The following C1orf141 variants were observed in gnomAD, a reference collection of about 807,000 sequenced individuals.
C1orf141 encodes the protein chromosome 1 open reading frame 141, also known as uncharacterized protein C1orf141.
Under a neutral mutation model 23.2 loss-of-function variants are expected in C1orf141, and 19 were observed. The observed-to-expected ratio is 0.82, with a 90% CI of 0.57 to 1.20. The LOEUF (loss-of-function observed/expected upper bound fraction) is 1.20. Ranked by LOEUF, C1orf141 falls within the 50% of genes most tolerant of loss-of-function variation. C1orf141 has a pLI of 0.00. For missense variants in C1orf141, 469 were observed against 455.1 expected, an observed-to-expected ratio of 1.03 and a Z score of -0.28; for synonymous variants, 153 against 154.6, an observed-to-expected ratio of 0.99 and a Z score of 0.08.
chr1:67,123,504 G>T (rs538871149), intron 4 of C1orf141: 2 of 151,538 alleles, frequency 1.3e-5, no homozygotes, highest in Non-Finnish European at 2.9e-5. Flanking sequence ...TTTTTATTTG[G>T]CTGAGGTATA....
At chr1:67,128,440 A>G (rs888152048) in intron 2 of C1orf141, among the ~76,000 whole-genome samples, 1 of 151,990 alleles carries the variant, frequency 6.6e-6, no homozygotes, top group African/African-American at 2.4e-5. Context: ...ACAGTGGCTT[A>G]TGCCTGTAAT....
At chr1:67,123,606 G>A (rs1233165802) in intron 4 of C1orf141, 1 of 152,166 alleles carries the variant, frequency 6.6e-6, no homozygotes, top group Admixed American at 6.5e-5. Context: ...ACAGGGACCT[G>A]GATAAGGGTG....
intron 5 of C1orf141, among the ~76,000 whole-genome samples, chr1:67,098,445 C>A (rs1645732468): frequency 6.6e-6 from 1 of 152,096 alleles, no homozygotes; most frequent in Admixed American, 6.6e-5. Flanking sequence ...TCGCTTGAAC[C>A]AGAGTCGGAG....
intron 5 of C1orf141, among the ~76,000 whole-genome samples, chr1:67,110,500 T>C (rs1374204197): frequency 6.6e-6 from 1 of 152,064 alleles, no homozygotes; most frequent in African/African-American, 2.4e-5. Flanking sequence ...GTTAATCTTA[T>C]AAGGTACTGA....
chr1:67,095,212 A>C (rs1645646675), intron 7 of C1orf141, 23 bp downstream of exon 7: 1 of 1,348,994 alleles, frequency 7.4e-7, no homozygotes, highest in African/African-American at 1.5e-5. Context: ...TATTTACTTA[A>C]CAATAGATGA....
chr1:67,129,249 A>G (rs1412610339), intron 2 of C1orf141, among the ~76,000 whole-genome samples: 1 of 151,832 alleles, frequency 6.6e-6, no homozygotes, highest in Non-Finnish European at 1.5e-5. Context: ...TGACCCTAGG[A>G]GTTTGAGACC....
At chr1:67,131,681 A>G (rs1318953509) in intron 1 of C1orf141, among the ~76,000 whole-genome samples, 1 of 151,916 alleles carries the variant, frequency 6.6e-6, no homozygotes, top group Non-Finnish European at 1.5e-5. Flanking sequence ...CCTTTTCTCA[A>G]GCACACCATT....
chr1:67,110,646 T>C (rs553305239), intron 5 of C1orf141, among the ~76,000 whole-genome samples: 1 of 152,072 alleles, frequency 6.6e-6, no homozygotes, highest in South Asian at 2.1e-4. Flanking sequence ...ATTTCTATTT[T>C]TAAAAAACTA....
intron 5 of C1orf141, chr1:67,103,287 G>A: frequency 5.4e-6 from 8 of 1,484,878 alleles, no homozygotes; most frequent in Non-Finnish European, 7.3e-6. Context: ...TAGACTGAAT[G>A]TTGAACATAG....
intron 5 of C1orf141, among the ~76,000 whole-genome samples, chr1:67,101,672 A>C (rs1645803437): frequency 6.6e-6 from 1 of 152,068 alleles, no homozygotes. Flanking sequence ...TCCCACTTTC[A>C]ATTTAATAAA....
chr1:67,100,745 AT>A (rs60760767), intron 5 of C1orf141, among the ~76,000 whole-genome samples: 3 of 151,938 alleles, frequency 2.0e-5, no homozygotes. Flanking sequence ...ATAGATGTAC[AT>A]TTTTTTGATG....
intron 5 of C1orf141, among the ~76,000 whole-genome samples, chr1:67,110,206 T>G (rs1646037692): frequency 6.6e-6 from 1 of 152,066 alleles, no homozygotes; most frequent in Admixed American, 6.6e-5. Flanking sequence ...TGGAAGATAG[T>G]TGGAAGACAG....
At chr1:67,101,863 C>T (rs752107629) in intron 5 of C1orf141, among the ~76,000 whole-genome samples, 3 of 152,154 alleles carry the variant, frequency 2.0e-5, no homozygotes, top group Non-Finnish European at 2.9e-5. Flanking sequence ...ACTAATAGAA[C>T]ATCCTGTCGC....
chr1:67,134,866 C>G (rs757869892), intron 1 of C1orf141, 64 bp downstream of exon 1: 1 of 152,336 alleles, frequency 6.6e-6, no homozygotes, highest in Non-Finnish European at 1.5e-5. Flanking sequence ...TCCTATTTCG[C>G]CTCCCACCCT....
intron 5 of C1orf141, among the ~76,000 whole-genome samples, chr1:67,107,588 T>C (rs1408624992): frequency 6.6e-6 from 1 of 152,162 alleles, no homozygotes; most frequent in Non-Finnish European, 1.5e-5. Flanking sequence ...TCTATAAATA[T>C]CAGGTAAGAT....
At chr1:67,126,115 G>A (rs1033275282) in intron 3 of C1orf141, among the ~76,000 whole-genome samples, 6 of 152,104 alleles carry the variant, frequency 3.9e-5, no homozygotes, top group African/African-American at 1.4e-4. Flanking sequence ...TGTGACCTGA[G>A]TTGTTCTTTT....
chr1:67,103,083 G>A (rs1645841068), intron 5 of C1orf141, among the ~76,000 whole-genome samples: 1 of 152,056 alleles, frequency 6.6e-6, no homozygotes, highest in African/African-American at 2.4e-5. Flanking sequence ...GTGTGGATAG[G>A]TTTAAGAGTA....
rs1248373162 is a variant in C1orf141, at chr1:67,121,905, CCT to C, written c.233+3845_233+3846del. 7 of 152,188 alleles carry C rather than the reference CCT, an allele frequency of 4.6e-5. No homozygotes were observed. In the East Asian group the frequency reaches 1.4e-3, roughly 29 times the overall value. 9.4% of individuals were successfully genotyped at this position (152,188 alleles called of 1,614,324 possible). ...ACCATACCCCTCTCCATTTCAGCTC[CCT>C]GTGTCATTAGACTGGCTTGTATAGG... On this transcript the variant is annotated intron_variant, in intron 4 of 7. Coordinates refer to ENST00000684719, the MANE Select transcript of C1orf141 (RefSeq NM_001276351.2).
At chr1:67,117,171 C>T (rs1646210586) in intron 4 of C1orf141, among the ~76,000 whole-genome samples, 1 of 152,086 alleles carries the variant, frequency 6.6e-6, no homozygotes, top group African/African-American at 2.4e-5. Flanking sequence ...GCCTGTAATC[C>T]CAACACTTTG....
Sources: allele counts gnomAD v4.1 joint callset (sites outside exome capture counted in the v4.1 genomes callset), GRCh38; gene constraint gnomAD v4.1.1; transcripts MANE v1.5; gene names NCBI Gene and HGNC (gene_info 2026-07-23, HGNC 2026-07-21).